Variants in SYN2 observed in about 807,000 individuals in gnomAD.
SYN2 encodes synapsin-2.
A neutral mutation model predicts 50.9 loss-of-function variants in SYN2; 19 were observed. The ratio of observed to expected loss-of-function variants is 0.37; its 90% CI spans 0.26 to 0.55. The LOEUF is 0.55. Ranked by LOEUF, SYN2 falls within the 20% of genes least tolerant of loss-of-function variation. The probability of loss-of-function intolerance (pLI) is 0.81; values close to 1 mark genes in which losing one functional copy is unlikely to be tolerated. For missense variants in SYN2, 587 were observed against 576.4 expected (o/e 1.02, Z -0.19); for synonymous variants, 255 against 224.9 (o/e 1.13, Z -1.20).
At position 12,159,907 on chromosome 3, in the gene SYN2, G is replaced by C. The variant is rs146433023; in HGVS notation, c.775-1639G>C. The stretch of plus-strand genomic sequence containing the variant: ...AAAATACAAAAGTTAGCCGGGCGTG[G>C]TGGCCTACACCTGTAGTCCCAGGTA... On this transcript the variant is annotated intron_variant, in intron 5 of 12. Coordinates refer to ENST00000621198, the MANE Select transcript of SYN2 (RefSeq NM_133625.6). Among the ~76,000 whole-genome samples, 14 of 152,092 alleles carry C rather than the reference G, an allele frequency of 9.2e-5. No individual in the cohort carries two copies. In the East Asian group the frequency reaches 2.7e-3, roughly 29 times the overall value.
chr3:12,041,492 C>T (rs1694609385), intron 1 of SYN2, among the ~76,000 whole-genome samples: 3 of 152,248 alleles, frequency 2.0e-5, no homozygotes, highest in African/African-American at 7.2e-5. Flanking sequence ...GAGGTCAACA[C>T]AGGAAAAAAC....
chr3:12,015,258 A>C (rs746662102), intron 1 of SYN2, among the ~76,000 whole-genome samples: 5 of 152,368 alleles, frequency 3.3e-5, no homozygotes, highest in East Asian at 1.9e-4. Flanking sequence ...AGAAACCACA[A>C]TACCATTGAT....
chr3:12,032,972 T>C (rs552375451), intron 1 of SYN2, among the ~76,000 whole-genome samples: 3,079 of 113,380 alleles, frequency 0.027, 133 homozygotes, highest in African/African-American at 0.1. Context: ...TTTTAGAGTT[T>C]CCAGTTTTTC....
intron 1 of SYN2, among the ~76,000 whole-genome samples, chr3:12,134,931 T>A (rs1443678600): frequency 6.6e-6 from 1 of 152,216 alleles, no homozygotes; most frequent in Non-Finnish European, 1.5e-5. Flanking sequence ...GGTTGCCAAT[T>A]TTTATAGTTC....
intron 1 of SYN2, among the ~76,000 whole-genome samples, chr3:12,037,706 C>T (rs962403378): frequency 2.6e-5 from 4 of 152,192 alleles, no homozygotes; most frequent in Non-Finnish European, 4.4e-5. Flanking sequence ...TTCATGAGGC[C>T]TCACGACCTA....
chr3:12,173,875 G>C (rs219015), intron 10 of SYN2, among the ~76,000 whole-genome samples: 131,466 of 152,208 alleles, frequency 0.86, 56,813 homozygotes, highest in East Asian at 0.91. Context: ...GATCGTACCA[G>C]TGCACCTGGG....
At chr3:12,125,842 G>GA (rs5846749) in intron 1 of SYN2, among the ~76,000 whole-genome samples, 7,243 of 137,924 alleles carry the variant, frequency 0.053, 191 homozygotes, top group Non-Finnish European at 0.067. Flanking sequence ...GTCTAAAAGT[G>GA]AAAAAAAAAA....
intron 1 of SYN2, among the ~76,000 whole-genome samples, chr3:12,090,425 C>T (rs979511214): frequency 2.0e-5 from 3 of 152,114 alleles, no homozygotes; most frequent in Non-Finnish European, 4.4e-5. Flanking sequence ...AGAGATGACA[C>T]AATGTAGTGG....
At chr3:12,077,762 A>G (rs559722433) in intron 1 of SYN2, among the ~76,000 whole-genome samples, 2 of 152,122 alleles carry the variant, frequency 1.3e-5, no homozygotes, top group Admixed American at 6.5e-5. Context: ...GCTATTGTGA[A>G]TAGTGTTGCA....
chr3:12,118,955 T>A (rs1696491534), intron 1 of SYN2, among the ~76,000 whole-genome samples: 1 of 152,198 alleles, frequency 6.6e-6, no homozygotes. Flanking sequence ...CTATTTTACA[T>A]TCTTTTTTCA....
intron 7 of SYN2, among the ~76,000 whole-genome samples, chr3:12,165,898 C>T (rs765604706): frequency 2.6e-5 from 4 of 151,014 alleles, no homozygotes; most frequent in African/African-American, 9.8e-5. Context: ...TGTGAGGAAA[C>T]CAGGATTCCT....
intron 11 of SYN2, chr3:12,185,235 A>G: frequency 1.0e-6 from 1 of 985,830 alleles, no homozygotes; most frequent in Non-Finnish European, 1.2e-6. Flanking sequence ...ATAAAGTAAC[A>G]TTTCCCAGAA....
chr3:12,013,832 G>C (rs964875338), intron 1 of SYN2, among the ~76,000 whole-genome samples: 12 of 152,036 alleles, frequency 7.9e-5, no homozygotes, highest in Non-Finnish European at 1.5e-5. Flanking sequence ...TTCTTCTCCT[G>C]CCGTCTCTAA....
chr3:12,049,131 A>G (rs188121442), intron 1 of SYN2, among the ~76,000 whole-genome samples: 3 of 152,248 alleles, frequency 2.0e-5, no homozygotes, highest in East Asian at 1.9e-4. Context: ...CCATTGTGCT[A>G]TGTGTAGTAA....
At chr3:12,113,963 T>C (rs1411115123) in intron 1 of SYN2, among the ~76,000 whole-genome samples, 2 of 152,170 alleles carry the variant, frequency 1.3e-5, no homozygotes, top group Non-Finnish European at 2.9e-5. Context: ...AATGGAATTG[T>C]TGGATCATGG....
intron 1 of SYN2, among the ~76,000 whole-genome samples, chr3:12,049,941 T>C (rs1333434929): frequency 6.6e-6 from 1 of 152,074 alleles, no homozygotes; most frequent in Non-Finnish European, 1.5e-5. Flanking sequence ...TGTTTTCTTT[T>C]TGTTTTGTTT....
At position 12,190,546 on chromosome 3, in the gene SYN2, C is replaced by T. The variant is rs75599326; in HGVS notation, c.1670C>T (p.Ser557Phe). Residue 557 changes from serine to phenylalanine, a missense_variant, in exon 13 of 13, where the codon TCT (serine) becomes TTT (phenylalanine). Coordinates refer to ENST00000621198, the MANE Select transcript of SYN2 (RefSeq NM_133625.6). ...FSFSESSFFR[S>F]SANEDEAKAE... ...TTCTCTGAGTCCTCCTTCTTCCGGT[C>T]TTCAGCCAATGAGGATGAAGCCAAA... 1 of 1,613,596 alleles carries T rather than the reference C, an allele frequency of 6.2e-7. No individual in the cohort carries two copies. Among genetic ancestry groups the T allele is most frequent in the East Asian group, 2.2e-5 (1 of 44,862 alleles).
intron 10 of SYN2, among the ~76,000 whole-genome samples, chr3:12,173,403 A>G (rs975707032): frequency 5.3e-5 from 8 of 152,130 alleles, no homozygotes; most frequent in African/African-American, 1.9e-4. Flanking sequence ...CTCCACCCAC[A>G]TGAATCTGCT....
chr3:12,174,309 CTA>C (rs1698008542), intron 10 of SYN2, among the ~76,000 whole-genome samples: 1 of 152,118 alleles, frequency 6.6e-6, no homozygotes, highest in Non-Finnish European at 1.5e-5. Flanking sequence ...AAGCAGAACT[CTA>C]GTTTTTCCCC....
Sources: allele counts gnomAD v4.1 joint callset (sites outside exome capture counted in the v4.1 genomes callset), GRCh38; gene constraint gnomAD v4.1.1; transcripts MANE v1.5; gene names NCBI Gene and HGNC (gene_info 2026-07-23, HGNC 2026-07-21).